Variants in RASAL2 observed in about 807,000 individuals in gnomAD.
RASAL2 encodes RAS protein activator like 2, also known as ras GTPase-activating protein nGAP.
A neutral mutation model predicts 128.9 loss-of-function variants in RASAL2; 58 were observed. The observed-to-expected ratio is 0.45, with a 90% CI of 0.36 to 0.56. RASAL2 has a LOEUF of 0.56. Ranked by LOEUF, RASAL2 falls within the 20% of genes least tolerant of loss-of-function variation. The pLI is 0.00. For synonymous variants in RASAL2, 561 were observed against 580.8 expected, an observed-to-expected ratio of 0.97 and a Z score of 0.49; for missense variants, 1,360 against 1,601.6, an observed-to-expected ratio of 0.85 and a Z score of 2.57.
chr1:178,350,130 T>C (rs1349402242), intron 3 of RASAL2, among the ~76,000 whole-genome samples: 3 of 152,264 alleles, frequency 2.0e-5, no homozygotes, highest in Non-Finnish European at 1.5e-5. Context: ...GTTTTAATGT[T>C]AGCATATTAT....
chr1:178,295,661 A>G (rs1667465312), intron 2 of RASAL2, among the ~76,000 whole-genome samples: 1 of 152,106 alleles, frequency 6.6e-6, no homozygotes, highest in Admixed American at 6.6e-5. Context: ...GCCAAGCTCT[A>G]CCCTGAGTTT....
At chr1:178,358,664 T>C (rs1314896719) in intron 3 of RASAL2, among the ~76,000 whole-genome samples, 3 of 152,182 alleles carry the variant, frequency 2.0e-5, no homozygotes, top group African/African-American at 7.2e-5. Flanking sequence ...AGTATTAATA[T>C]TGAGCAGAAT....
chr1:178,414,244 A>G (rs1674602723), intron 4 of RASAL2, among the ~76,000 whole-genome samples: 1 of 152,234 alleles, frequency 6.6e-6, no homozygotes, highest in Admixed American at 6.5e-5. Flanking sequence ...ATGACATTCT[A>G]GAAAAGGTAA....
intron 3 of RASAL2, among the ~76,000 whole-genome samples, chr1:178,328,184 C>G (rs956327570): frequency 6.6e-6 from 1 of 152,150 alleles, no homozygotes; most frequent in Non-Finnish European, 1.5e-5. Context: ...CATCTCCTAT[C>G]ACGTTTTTGG....
intron 3 of RASAL2, among the ~76,000 whole-genome samples, chr1:178,367,246 G>A (rs766510584): frequency 3.3e-5 from 5 of 151,932 alleles, no homozygotes; most frequent in Non-Finnish European, 7.4e-5. Flanking sequence ...TAGCTGCAGT[G>A]CCTCCTGGCT....
intron 4 of RASAL2, among the ~76,000 whole-genome samples, chr1:178,417,395 T>A (rs1188996744): frequency 6.6e-6 from 1 of 152,000 alleles, no homozygotes; most frequent in Non-Finnish European, 1.5e-5. Flanking sequence ...CCTAGTAGAG[T>A]TCTCTACAAC....
chr1:178,445,694 A>G, intron 9 of RASAL2, 32 bp downstream of exon 9: 2 of 1,578,126 alleles, frequency 1.3e-6, no homozygotes, highest in South Asian at 1.2e-5. Flanking sequence ...ATTTTCTTTT[A>G]TTTACTTTTC....
intron 16 of RASAL2, 64 bp from the exon 17 acceptor site, chr1:178,467,270 T>C: frequency 7.5e-7 from 1 of 1,336,568 alleles, no homozygotes; most frequent in Non-Finnish European, 1.1e-6. Context: ...TGAGTTTTCC[T>C]GTTCTCTACA....
intron 1 of RASAL2, among the ~76,000 whole-genome samples, chr1:178,261,200 C>T (rs1483047855): frequency 6.6e-6 from 1 of 152,090 alleles, no homozygotes; most frequent in African/African-American, 2.4e-5. Context: ...ATATTTATCT[C>T]CTAAGTAGAA....
chr1:178,242,515 A>G (rs558045369), intron 1 of RASAL2, among the ~76,000 whole-genome samples: 69 of 116,248 alleles, frequency 5.9e-4, no homozygotes, highest in Admixed American at 8.1e-4. Flanking sequence ...CTCTCTCCCC[A>G]CTCCTGGGCT....
chr1:178,213,044 T>A (rs1416056765), intron 1 of RASAL2, among the ~76,000 whole-genome samples: 4 of 151,796 alleles, frequency 2.6e-5, no homozygotes, highest in African/African-American at 7.3e-5. Flanking sequence ...TATTCACTAT[T>A]CTTTTTTAAG....
chr1:178,351,362 C>T (rs576990783), intron 3 of RASAL2, among the ~76,000 whole-genome samples: 1 of 152,224 alleles, frequency 6.6e-6, no homozygotes, highest in South Asian at 2.1e-4. Context: ...CTCAAAAGTC[C>T]AAAACCCAAA....
intron 4 of RASAL2, among the ~76,000 whole-genome samples, chr1:178,407,725 A>G (rs955957895): frequency 6.6e-6 from 1 of 152,196 alleles, no homozygotes; most frequent in Non-Finnish European, 1.5e-5. Context: ...TTTGTTGCAC[A>G]TCCCTACATT....
intron 1 of RASAL2, among the ~76,000 whole-genome samples, chr1:178,101,134 A>G (rs776361697): frequency 6.6e-5 from 10 of 152,224 alleles, no homozygotes; most frequent in Non-Finnish European, 4.4e-5. Flanking sequence ...TGTGGTTCAC[A>G]AGTAGAAGGG....
intron 1 of RASAL2, among the ~76,000 whole-genome samples, chr1:178,114,616 G>A (rs1659457440): frequency 6.6e-6 from 1 of 151,812 alleles, no homozygotes; most frequent in African/African-American, 2.4e-5. Context: ...CCGCCTCCTG[G>A]GTTCATGCCA....
chr1:178,239,036 A>C (rs967813922), intron 1 of RASAL2, among the ~76,000 whole-genome samples: 2 of 152,056 alleles, frequency 1.3e-5, no homozygotes, highest in African/African-American at 2.4e-5. Flanking sequence ...TGTCATTCTC[A>C]TGTGGAATTT....
intron 1 of RASAL2, among the ~76,000 whole-genome samples, chr1:178,183,795 A>G (rs903409292): frequency 1.3e-5 from 2 of 152,224 alleles, no homozygotes; most frequent in Admixed American, 1.3e-4. Flanking sequence ...CTGTGTGGAC[A>G]TAAGTTTTCA....
At chr1:178,272,817 A>G (rs1666322437) in intron 1 of RASAL2, among the ~76,000 whole-genome samples, 2 of 152,100 alleles carry the variant, frequency 1.3e-5, no homozygotes, top group South Asian at 4.1e-4. Flanking sequence ...AGTCCCAGCT[A>G]CTCGGGAGGC....
At chr1:178,188,055 C>T (rs568102064) in intron 1 of RASAL2, among the ~76,000 whole-genome samples, 1 of 152,258 alleles carries the variant, frequency 6.6e-6, no homozygotes, top group East Asian at 1.9e-4. Flanking sequence ...CAAATGACCT[C>T]CAGCCCTGAG....
Sources: gnomAD v4.1 joint callset for allele counts (sites outside exome capture counted in the v4.1 genomes callset) on GRCh38, gnomAD v4.1.1 for gene constraint, MANE v1.5 for transcripts, NCBI Gene and HGNC (gene_info 2026-07-23, HGNC 2026-07-21) for gene names.